Variants in ABL1 observed in about 807,000 individuals in gnomAD.
ABL1 encodes ABL proto-oncogene 1, non-receptor tyrosine kinase.
Under a neutral mutation model 94.7 loss-of-function variants are expected in ABL1, and 11 were observed. That is an observed-to-expected ratio of 0.12 (90% CI 0.07 to 0.19). The LOEUF (loss-of-function observed/expected upper bound fraction) is 0.19. Ranked by LOEUF, ABL1 falls within the 10% of genes least tolerant of loss-of-function variation. ABL1 has a pLI of 1.00. For missense variants in ABL1, 1,082 were observed against 1,489.4 expected (o/e 0.73, Z 4.50); for synonymous variants, 656 against 622.4 (o/e 1.05, Z -0.80).
Position 130,885,234 on chromosome 9 carries a change from C to T in ABL1, c.2944C>T (p.Pro982Ser). 1 of 1,613,858 alleles carries T rather than the reference C, an allele frequency of 6.2e-7. No individual in the cohort carries two copies. The highest frequency in any genetic ancestry group is 8.5e-7 in the Non-Finnish European group (1 of 1,180,022). ...GACCCCCATCAGCCCAGCCCCCGTT[C>T]CCTCCACGTTGCCATCAGCATCCTC... Reference protein sequence around the residue: ...SGTPISPAPVPSTLPSASSAL... With the variant: ...SGTPISPAPVSSTLPSASSAL... The change falls in exon 11 of 11, where the codon CCC becomes TCC. Residue 982 changes from proline (P) to serine (S), a missense_variant. Transcript: ENST00000318560.
chr9:130,848,423 C>T (rs1051481627), intron 1 of ABL1, among the ~76,000 whole-genome samples: 4 of 147,466 alleles, frequency 2.7e-5, no homozygotes, highest in African/African-American at 1.0e-4. Flanking sequence ...GAGGCTGAGG[C>T]AGGAGAATCA....
intron 4 of ABL1, among the ~76,000 whole-genome samples, chr9:130,867,018 C>T (rs1464183498): frequency 1.3e-5 from 2 of 152,146 alleles, no homozygotes; most frequent in Admixed American, 1.3e-4. Context: ...AGAGTTTGTA[C>T]ATCAGTGTCT....
At chr9:130,839,794 T>A (rs189439272) in intron 1 of ABL1, among the ~76,000 whole-genome samples, 74 of 152,326 alleles carry the variant, frequency 4.9e-4, no homozygotes, top group African/African-American at 1.7e-3. Flanking sequence ...TGTGTTATGT[T>A]GATACGAGAT....
At chr9:130,751,800 A>G (rs1323215641) in intron 1 of ABL1, among the ~76,000 whole-genome samples, 1 of 152,244 alleles carries the variant, frequency 6.6e-6, no homozygotes, top group Non-Finnish European at 1.5e-5. Flanking sequence ...GCTTGCCCAC[A>G]GCAACGGCAG....
intron 7 of ABL1, among the ~76,000 whole-genome samples, chr9:130,876,991 C>T (rs1409384410): frequency 6.8e-6 from 1 of 147,966 alleles, no homozygotes; most frequent in Admixed American, 6.7e-5. Flanking sequence ...CCCACCTTGG[C>T]CTCCCAAAGT....
At chr9:130,839,215 C>T (rs1205450442) in intron 1 of ABL1, among the ~76,000 whole-genome samples, 1 of 152,104 alleles carries the variant, frequency 6.6e-6, no homozygotes, top group Non-Finnish European at 1.5e-5. Flanking sequence ...GCATGAGCCA[C>T]TGCACTCAGC....
chr9:130,870,284 TG>T (rs1242320145), intron 4 of ABL1, among the ~76,000 whole-genome samples: 4 of 151,920 alleles, frequency 2.6e-5, no homozygotes. Context: ...TTGAGAGCCA[TG>T]TTCCTTTTGC....
intron 1 of ABL1, among the ~76,000 whole-genome samples, chr9:130,811,976 GA>G (rs1304763463): frequency 7.4e-6 from 1 of 135,452 alleles, no homozygotes; most frequent in East Asian, 2.2e-4. Context: ...AAAGATGGCA[GA>G]AAAAAAAACT....
chr9:130,885,765 A>C lies in ABL1; in HGVS notation c.*82A>C, dbSNP rs1173138916. ...TCGCCCATACCCGTGACAGTGGCTG[A>C]CAAGGGACTAGTGAGTCAGCACCTT... On this transcript the variant is annotated 3_prime_UTR_variant, in exon 11 of 11. Transcript: ENST00000318560. The C allele has an allele frequency of 5.3e-6, 8 of 1,500,984 alleles. No individual in the cohort carries two copies. Among genetic ancestry groups the C allele is most frequent in the Non-Finnish European group, 7.1e-6 (8 of 1,122,782 alleles). 93.0% of individuals were successfully genotyped at this position (1,500,984 alleles called of 1,614,324 possible).
chr9:130,750,410 TCCCTCCCTCCCTCCC>T (rs1831946135), intron 1 of ABL1, among the ~76,000 whole-genome samples: 1 of 14,538 alleles, frequency 6.9e-5, no homozygotes, highest in African/African-American at 2.3e-4. Context: ...CCTCCCTCCC[TCCCTCCCTCCCTCCC>T]TCCCTCCCTC....
At chr9:130,851,967 T>C (rs1188281018) in intron 1 of ABL1, among the ~76,000 whole-genome samples, 42 of 151,736 alleles carry the variant, frequency 2.8e-4, no homozygotes, top group Admixed American at 2.8e-3. Context: ...TTAGTAGAGA[T>C]GGGGTTTTGC....
At chr9:130,739,571 C>T (rs1241834717) in intron 1 of ABL1, among the ~76,000 whole-genome samples, 1 of 152,070 alleles carries the variant, frequency 6.6e-6, no homozygotes, top group Admixed American at 6.6e-5. Context: ...GATACTTTAA[C>T]CCCTATTCAA....
chr9:130,852,348 G>A (rs1005180914), intron 1 of ABL1, among the ~76,000 whole-genome samples: 4 of 151,920 alleles, frequency 2.6e-5, no homozygotes, highest in African/African-American at 7.3e-5. Flanking sequence ...AACTACAGGC[G>A]CCCGCCACCA....
At chr9:130,864,372 G>A (rs544312456) in intron 4 of ABL1, among the ~76,000 whole-genome samples, 2 of 152,090 alleles carry the variant, frequency 1.3e-5, no homozygotes, top group African/African-American at 4.8e-5. Flanking sequence ...AGCCTCACGA[G>A]TAGCTGGGAT....
Position 130,863,120 on chromosome 9 carries a change from C to A in ABL1, c.822+85C>A. The A allele has an allele frequency of 7.0e-7, 1 of 1,430,400 alleles. No homozygotes were observed. Among genetic ancestry groups the A allele is most frequent in the Non-Finnish European group, 9.3e-7 (1 of 1,073,744 alleles). 88.6% of individuals were successfully genotyped at this position (1,430,400 alleles called of 1,614,324 possible). A position where few individuals can be genotyped will look rare whatever the true frequency, so the allele number is the denominator to read the frequency against. ...GGCGATGCATCTGCCTGGAAGTCTA[C>A]CTCCTGCCTGCTGTCCGAGGGCTTC... On this transcript the variant is annotated intron_variant, in intron 4 of 10. Coordinates refer to ENST00000318560, the MANE Select transcript of ABL1 (RefSeq NM_005157.6). This position sits in a 1 kb window ranked among gnomAD's most constrained non-coding sequence, Gnocchi z 4.3.
chr9:130,714,980 C>A (rs1348320123), intron 1 of ABL1, among the ~76,000 whole-genome samples: 1 of 152,138 alleles, frequency 6.6e-6, no homozygotes, highest in East Asian at 1.9e-4. Context: ...CACTTTGGAG[C>A]CATGTGGGAA....
At chr9:130,734,406 A>G (rs1033101128) in intron 1 of ABL1, among the ~76,000 whole-genome samples, 4 of 150,320 alleles carry the variant, frequency 2.7e-5, no homozygotes, top group African/African-American at 4.9e-5. Context: ...TAGTAGAGAC[A>G]GGGTTTCACC....
chr9:130,849,854 C>T (rs560937168), intron 1 of ABL1, among the ~76,000 whole-genome samples: 3 of 152,198 alleles, frequency 2.0e-5, no homozygotes, highest in Admixed American at 6.5e-5. Flanking sequence ...ATTGTTTATT[C>T]GTGGCTTTGC....
chr9:130,739,913 A>G (rs1372846408), intron 1 of ABL1, among the ~76,000 whole-genome samples: 1 of 152,232 alleles, frequency 6.6e-6, no homozygotes, highest in Non-Finnish European at 1.5e-5. Flanking sequence ...AATAAAAAAT[A>G]ACAATAAAAA....
Sources: allele counts gnomAD v4.1 joint callset (sites outside exome capture counted in the v4.1 genomes callset), GRCh38; gene constraint gnomAD v4.1.1; non-coding constraint Gnocchi (gnomAD v3.1); transcripts MANE v1.5; gene names NCBI Gene and HGNC (gene_info 2026-07-23, HGNC 2026-07-21).